CACNA1E: variants seen among roughly 807,000 people sequenced by gnomAD.
The protein encoded by CACNA1E is voltage-dependent R-type calcium channel subunit alpha-1E.
In CACNA1E, 40 loss-of-function variants were observed where a neutral mutation model predicts 259.2. That is an observed-to-expected ratio of 0.15 (90% CI 0.12 to 0.20). CACNA1E has a LOEUF of 0.20. Among genes scored for constraint, CACNA1E ranks in the 10% least tolerant of loss-of-function variants. CACNA1E has a pLI of 1.00. For missense variants in CACNA1E, 1,874 were observed against 3,040.1 expected (o/e 0.62, Z 9.02); for synonymous variants, 1,104 against 1,138.5 (o/e 0.97, Z 0.61).
intron 2 of CACNA1E, among the ~76,000 whole-genome samples, chr1:181,446,312 T>C (rs1660785166): frequency 1.3e-5 from 2 of 152,312 alleles, no homozygotes. Flanking sequence ...ATGAAGTGAA[T>C]CTCTGCCAAA....
chr1:181,483,838 G>T lies in CACNA1E; in HGVS notation c.94G>T (p.Ala32Ser). ...SRNRQGTPVP[A>S]SGQAAAYKQT... Reference sequence around the variant, plus strand: ...GAACCGGCAAGGAACCCCCGTGCCGGCCTCGGGGCAGGCGGCCGCCTACAA... The same window carrying T: ...GAACCGGCAAGGAACCCCCGTGCCGTCCTCGGGGCAGGCGGCCGCCTACAA... Residue 32 changes from alanine (A) to serine (S), a missense_variant, in exon 1 of 48, where the codon GCC becomes TCC. Transcript: ENST00000367573. 1 of 1,613,762 alleles carries T rather than the reference G, an allele frequency of 6.2e-7. No homozygotes were observed. Among genetic ancestry groups the T allele is most frequent in the Non-Finnish European group, 8.5e-7 (1 of 1,179,834 alleles).
chr1:181,389,002 G>T (rs1207074175), intron 1 of CACNA1E, among the ~76,000 whole-genome samples: 1 of 152,140 alleles, frequency 6.6e-6, no homozygotes, highest in African/African-American at 2.4e-5. Flanking sequence ...AGGTTTCTGT[G>T]AGCTTCTGCT....
chr1:181,516,350 C>CACAG (rs1666586389), intron 3 of CACNA1E, among the ~76,000 whole-genome samples: 1 of 117,474 alleles, frequency 8.5e-6, no homozygotes, highest in African/African-American at 3.6e-5. Context: ...AGACCACACA[C>CACAG]ACACACACAC....
intron 36 of CACNA1E, 122 bp downstream of exon 36, chr1:181,771,506 A>G: frequency 1.5e-6 from 1 of 655,292 alleles, no homozygotes; most frequent in Non-Finnish European, 2.8e-6. Context: ...CTGTCAGTAG[A>G]AAGGGGAACA....
At chr1:181,678,566 C>T (rs894635911) in intron 7 of CACNA1E, among the ~76,000 whole-genome samples, 3 of 152,186 alleles carry the variant, frequency 2.0e-5, no homozygotes, top group Admixed American at 6.5e-5. Flanking sequence ...CAAGGACACA[C>T]TGAATACTGG....
chr1:181,528,996 T>C (rs577266034), intron 3 of CACNA1E, among the ~76,000 whole-genome samples: 1 of 152,322 alleles, frequency 6.6e-6, no homozygotes, highest in African/African-American at 2.4e-5. Context: ...CCCAAGACGA[T>C]GGGGAAAATA....
intron 6 of CACNA1E, among the ~76,000 whole-genome samples, chr1:181,589,777 A>C (rs1237369963): frequency 6.6e-6 from 1 of 152,204 alleles, no homozygotes; most frequent in African/African-American, 2.4e-5. Context: ...GAAATGTGAA[A>C]GCTGGTGAAC....
chr1:181,525,551 A>G lies in CACNA1E; in HGVS notation c.512+14041A>G, dbSNP rs1219906197. On this transcript the variant is annotated intron_variant, in intron 3 of 47. Transcript: ENST00000367573. The stretch of plus-strand genomic sequence containing the variant: ...TTATAAAATGTCCATGTTGGCCTGG[A>G]TATCACTACTGGTTAACATTTGTCA... Among the ~76,000 whole-genome samples the G allele has an allele frequency of 8.5e-5, 13 of 152,212 alleles. No individual in the cohort carries two copies. The East Asian group carries it at 2.3e-3, about 27-fold the overall frequency.
intron 1 of CACNA1E, among the ~76,000 whole-genome samples, chr1:181,484,474 G>C (rs1663604953): frequency 6.6e-6 from 1 of 152,208 alleles, no homozygotes; most frequent in South Asian, 2.1e-4. Context: ...GGCTCCATGA[G>C]GGGATTTATC....
chr1:181,568,643 T>G (rs1650087560), intron 3 of CACNA1E, among the ~76,000 whole-genome samples: 1 of 152,186 alleles, frequency 6.6e-6, no homozygotes, highest in Non-Finnish European at 1.5e-5. Context: ...CTGCCCAGAC[T>G]GGAGTGCAGT....
chr1:181,449,474 A>G (rs2102329087), intron 2 of CACNA1E, among the ~76,000 whole-genome samples: 1 of 152,320 alleles, frequency 6.6e-6, no homozygotes, highest in South Asian at 2.1e-4. Context: ...GTCTTTGCAC[A>G]TTGATTGACC....
chr1:181,365,162 C>CT (rs1226166817), intron 1 of CACNA1E, among the ~76,000 whole-genome samples: 4 of 151,910 alleles, frequency 2.6e-5, no homozygotes, highest in Non-Finnish European at 4.4e-5. Flanking sequence ...GCAATCCTAG[C>CT]TTTTTTTTAT....
chr1:181,602,634 T>C (rs1224706328), intron 6 of CACNA1E, among the ~76,000 whole-genome samples: 1 of 152,192 alleles, frequency 6.6e-6, no homozygotes, highest in East Asian at 1.9e-4. Context: ...GTTACTCTCA[T>C]AGTCTTTGCA....
intron 1 of CACNA1E, among the ~76,000 whole-genome samples, chr1:181,352,838 C>A (rs1380182082): frequency 6.6e-6 from 1 of 152,222 alleles, no homozygotes; most frequent in Non-Finnish European, 1.5e-5. Context: ...GTTGATGAGA[C>A]CTTTCAAATA....
rs999319554 is a variant in CACNA1E at position 181,485,406 on chromosome 1, C to T, written c.266+1396C>T. On this transcript the variant is annotated intron_variant, in intron 1 of 47. Coordinates refer to ENST00000367573, the MANE Select transcript of CACNA1E (RefSeq NM_001205293.3). This position sits in a 1 kb window ranked among gnomAD's most constrained non-coding sequence, Gnocchi z 4.2. ...GGTGATTGGCTGGCGCGTGGTGCTT[C>T]TAGGCAGCACCCCCTCATTAGAAAC... Among the ~76,000 whole-genome samples, 4 of 152,170 alleles carry T rather than the reference C, an allele frequency of 2.6e-5. No homozygotes were observed. The highest frequency in any genetic ancestry group is 4.8e-5 in the African/African-American group (2 of 41,430).
chr1:181,799,557 A>G lies in CACNA1E; in HGVS notation c.*723A>G, dbSNP rs138525860. On this transcript the variant is annotated 3_prime_UTR_variant, in exon 48 of 48. Coordinates refer to ENST00000367573, the MANE Select transcript of CACNA1E (RefSeq NM_001205293.3). ...TGGGGGGTATAGCCCCCCATCCTTG[A>G]GGCCTGTCACCCACACAGTAGGTGC... 1.3e-5 allele frequency: 2 copies of G among 152,846 alleles called. No individual in the cohort carries two copies. The highest frequency in any genetic ancestry group is 3.9e-4 in the East Asian group (2 of 5,188). 9.5% of individuals were successfully genotyped at this position (152,846 alleles called of 1,614,324 possible). A position where few individuals can be genotyped will look rare whatever the true frequency, so the allele number is the denominator to read the frequency against.
At chr1:181,544,831 G>A (rs1388410341) in intron 3 of CACNA1E, among the ~76,000 whole-genome samples, 1 of 152,210 alleles carries the variant, frequency 6.6e-6, no homozygotes, top group Non-Finnish European at 1.5e-5. Context: ...GCAAATGACA[G>A]ATAGCAATTT....
At chr1:181,726,424 G>A (rs937789370) in intron 18 of CACNA1E, among the ~76,000 whole-genome samples, 3 of 152,250 alleles carry the variant, frequency 2.0e-5, no homozygotes, top group African/African-American at 7.2e-5. Flanking sequence ...AGAAGTACAG[G>A]AGCTGGGTGG....
chr1:181,755,185 T>C, intron 27 of CACNA1E, 52 bp from the exon 28 acceptor site: 1 of 1,531,548 alleles, frequency 6.5e-7, no homozygotes, highest in East Asian at 2.3e-5. Flanking sequence ...TCTAGGCAAG[T>C]ATGCAGACCA....
Sources: allele counts gnomAD v4.1 joint callset (sites outside exome capture counted in the v4.1 genomes callset), GRCh38; gene constraint gnomAD v4.1.1; non-coding constraint Gnocchi (gnomAD v3.1); transcripts MANE v1.5; gene names NCBI Gene and HGNC (gene_info 2026-07-23, HGNC 2026-07-21).